The following CAMKV variants were observed in gnomAD, a reference collection of about 807,000 sequenced individuals.
CAMKV encodes the protein CaM kinase like vesicle associated.
In CAMKV, 5 loss-of-function variants were observed where a neutral mutation model predicts 50.2. The observed-to-expected ratio is 0.10, with a 90% CI of 0.05 to 0.21. The LOEUF (loss-of-function observed/expected upper bound fraction) is 0.21. CAMKV is among the 10% of genes least tolerant of loss of function. The probability of loss-of-function intolerance (pLI) is 1.00; values close to 1 mark genes in which losing one functional copy is unlikely to be tolerated. For missense variants in CAMKV, 361 were observed against 650.5 expected (o/e 0.55, Z 4.84); for synonymous variants, 229 against 250.1 (o/e 0.92, Z 0.80).
intron 1 of CAMKV, among the ~76,000 whole-genome samples, chr3:49,868,028 C>T (rs2082078328): frequency 6.6e-6 from 1 of 152,200 alleles, no homozygotes; most frequent in Admixed American, 6.5e-5. Context: ...GTAGGAGGCA[C>T]AGCCAAAAGG....
At position 49,859,226 on chromosome 3, in the gene CAMKV, T is replaced by C. The variant is rs905092411; in HGVS notation, c.*92A>G. On this transcript the variant is annotated 3_prime_UTR_variant, in exon 11 of 11. Transcript: ENST00000477224. The surrounding 1 kb of genome is among the most constrained non-coding windows in gnomAD (Gnocchi z 5.5). ...GTGGGGGCATGGGGGAGCGAGGGCA[T>C]CATGCCAGTGACTCTATGTACAGTG... is the stretch of plus-strand genomic sequence containing the variant. The C allele has an allele frequency of 4.7e-5, 56 of 1,192,416 alleles. No individual in the cohort carries two copies. The highest frequency in any genetic ancestry group is 6.5e-5 in the Non-Finnish European group (56 of 856,812). The allele number at this position is 1,192,416 out of a possible 1,614,324, so 73.9% of individuals were successfully genotyped here.
At position 49,862,018 on chromosome 3, in the gene CAMKV, C is replaced by G; in HGVS notation, c.227+27G>C. The G allele has an allele frequency of 1.2e-6, 2 of 1,613,952 alleles. No individual in the cohort carries two copies. Among genetic ancestry groups the G allele is most frequent in the Non-Finnish European group, 1.7e-6 (2 of 1,179,916 alleles). ...AGCCCTTCCCTGCTGCCTCCCACCC[C>G]GCCCCAATCCCAGGCCTCAAACTCA... On this transcript the variant is annotated intron_variant, in intron 3 of 10. Transcript: ENST00000477224. The surrounding 1 kb of genome is among the most constrained non-coding windows in gnomAD (Gnocchi z 5.2).
chr3:49,860,704 G>A lies in CAMKV; in HGVS notation c.775+12C>T. 1.2e-6 allele frequency: 2 copies of A among 1,613,948 alleles called. No individual in the cohort carries two copies. ...TTGCGTTCTACCAAGTGCTGGGCAG[G>A]CACCTCCTCACCTGCCTGCGAAATA... On this transcript the variant is annotated intron_variant, in intron 8 of 10. Coordinates refer to ENST00000477224, the MANE Select transcript of CAMKV (RefSeq NM_024046.5). The surrounding 1 kb of genome is among the most constrained non-coding windows in gnomAD (Gnocchi z 6.1).
At position 49,860,888 on chromosome 3, in the gene CAMKV, A is replaced by G. The variant is rs144675947; in HGVS notation, c.639-36T>C. On this transcript the variant is annotated intron_variant, in intron 7 of 10. Coordinates refer to ENST00000477224, the MANE Select transcript of CAMKV (RefSeq NM_024046.5). This position sits in a 1 kb window ranked among gnomAD's most constrained non-coding sequence, Gnocchi z 6.1. ...GAAGGGTCACACAGAAAGGCCACAG[A>G]CACATGCCCCCACCCCATCTGACTG... 12 of 1,613,856 alleles carry G rather than the reference A, an allele frequency of 7.4e-6. No homozygotes were observed. In the African/African-American group the frequency reaches 1.6e-4, roughly 22 times the overall value.
At position 49,862,752 on chromosome 3, in the gene CAMKV, C is replaced by T. The variant is rs928363383; in HGVS notation, c.-14-350G>A. 6.6e-6 allele frequency among the ~76,000 whole-genome samples: 1 copy of T among 152,250 alleles called. No individual in the cohort carries two copies. The highest frequency in any genetic ancestry group is 2.4e-5 in the African/African-American group (1 of 41,472). ...GAAGGGGGCTATAACCACCCACCCACCTGCTAGTCATCTCTGAAGGTCTAG... is the reference window on the plus strand; with the variant it reads ...GAAGGGGGCTATAACCACCCACCCATCTGCTAGTCATCTCTGAAGGTCTAG... On this transcript the variant is annotated intron_variant, in intron 1 of 10. Transcript: ENST00000477224. This position sits in a 1 kb window ranked among gnomAD's most constrained non-coding sequence, Gnocchi z 5.2.
chr3:49,869,537 C>T lies in CAMKV; in HGVS notation c.-15+221G>A, dbSNP rs1162432199. ...CAATTCCGAGCCGCAGAAGCTTCCCCCCAGAACCCCCAAGCCGTCCGAGGT... is the reference window on the plus strand; with the variant it reads ...CAATTCCGAGCCGCAGAAGCTTCCCTCCAGAACCCCCAAGCCGTCCGAGGT... On this transcript the variant is annotated intron_variant, in intron 1 of 10. Coordinates refer to ENST00000477224, the MANE Select transcript of CAMKV (RefSeq NM_024046.5). This position sits in a 1 kb window ranked among gnomAD's most constrained non-coding sequence, Gnocchi z 5.2. 6.6e-6 allele frequency among the ~76,000 whole-genome samples: 1 copy of T among 152,134 alleles called. No homozygotes were observed. The highest frequency in any genetic ancestry group is 1.5e-5 in the Non-Finnish European group (1 of 68,008).
Position 49,862,293 on chromosome 3 carries a change from C to T in CAMKV, c.95+1G>A. The T allele has an allele frequency of 6.2e-7, 1 of 1,614,218 alleles. No individual in the cohort carries two copies. The highest frequency in any genetic ancestry group is 8.5e-7 in the Non-Finnish European group (1 of 1,180,018). ...CCTTGCCTGACAGGCCCGGCACTCA[C>T]GTCTTGATGACCTGTCCCAAATCAT... On this transcript the variant is annotated splice_donor_variant, in intron 2 of 10. Transcript: ENST00000477224. LOFTEE classifies it high-confidence loss of function. This position sits in a 1 kb window ranked among gnomAD's most constrained non-coding sequence, Gnocchi z 5.2.
rs1041217394 is a variant in CAMKV at position 49,860,056 on chromosome 3, C to T, written c.942+115G>A. On this transcript the variant is annotated intron_variant, in intron 10 of 10. Coordinates refer to ENST00000477224, the MANE Select transcript of CAMKV (RefSeq NM_024046.5). The surrounding 1 kb of genome is among the most constrained non-coding windows in gnomAD (Gnocchi z 6.1). ...GGTAATCACAGTGGCTACACCCACACCTGATGGCCTGAGAAAAGCTTGTGT... is the reference window on the plus strand; with the variant it reads ...GGTAATCACAGTGGCTACACCCACATCTGATGGCCTGAGAAAAGCTTGTGT... 1 of 1,118,914 alleles carries T rather than the reference C, an allele frequency of 8.9e-7. No individual in the cohort carries two copies. The highest frequency in any genetic ancestry group is 1.4e-5 in the South Asian group (1 of 73,592). The allele number at this position is 1,118,914 out of a possible 1,614,324, so 69.3% of individuals were successfully genotyped here.
rs764046352 is a variant in CAMKV at position 49,860,887 on chromosome 3, G to A, written c.639-35C>T. Reference sequence around the variant, plus strand: ...GGAAGGGTCACACAGAAAGGCCACAGACACATGCCCCCACCCCATCTGACT... The same window carrying A: ...GGAAGGGTCACACAGAAAGGCCACAAACACATGCCCCCACCCCATCTGACT... On this transcript the variant is annotated intron_variant, in intron 7 of 10. Transcript: ENST00000477224. This position sits in a 1 kb window ranked among gnomAD's most constrained non-coding sequence, Gnocchi z 6.1. The A allele has an allele frequency of 2.5e-6, 4 of 1,613,836 alleles. No individual in the cohort carries two copies. The highest frequency in any genetic ancestry group is 1.6e-4 in the Middle Eastern group (1 of 6,084).
Position 49,862,989 on chromosome 3 carries a change from G to A in CAMKV, c.-14-587C>T, listed in dbSNP as rs1002525235. Among the ~76,000 whole-genome samples, 2 of 152,164 alleles carry A rather than the reference G, an allele frequency of 1.3e-5. No individual in the cohort carries two copies. Among genetic ancestry groups the A allele is most frequent in the East Asian group, 1.9e-4 (1 of 5,204 alleles). ...GCTCATAGTAGCCATATACATAATCGCCAAAAATTGAAAACAGACCAAATA... is the reference window on the plus strand; with the variant it reads ...GCTCATAGTAGCCATATACATAATCACCAAAAATTGAAAACAGACCAAATA... On this transcript the variant is annotated intron_variant, in intron 1 of 10. Coordinates refer to ENST00000477224, the MANE Select transcript of CAMKV (RefSeq NM_024046.5). The surrounding 1 kb of genome is among the most constrained non-coding windows in gnomAD (Gnocchi z 5.2).
At chr3:49,867,455 A>G (rs1049801427) in intron 1 of CAMKV, among the ~76,000 whole-genome samples, 1 of 152,222 alleles carries the variant, frequency 6.6e-6, no homozygotes, top group Non-Finnish European at 1.5e-5. Flanking sequence ...GGCAAAGCCA[A>G]AGGCCAGCTG....
chr3:49,862,556 C>A lies in CAMKV; in HGVS notation c.-14-154G>T. 1.5e-6 allele frequency: 1 copy of A among 661,798 alleles called. No homozygotes were observed. Among genetic ancestry groups the A allele is most frequent in the Non-Finnish European group, 2.6e-6 (1 of 378,476 alleles). The allele number at this position is 661,798 out of a possible 1,614,324, so 41.0% of individuals were successfully genotyped here. On this transcript the variant is annotated intron_variant, in intron 1 of 10. Transcript: ENST00000477224. The surrounding 1 kb of genome is among the most constrained non-coding windows in gnomAD (Gnocchi z 5.2). ...GAGGATAGGCAGGCTTAGATCCTAC[C>A]CCTGCTTTTCTGGCTAGACATCCAG...
intron 1 of CAMKV, among the ~76,000 whole-genome samples, chr3:49,866,508 T>C (rs990483060): frequency 1.3e-5 from 2 of 152,174 alleles, no homozygotes; most frequent in Non-Finnish European, 2.9e-5. Flanking sequence ...ACAACAGCCA[T>C]TTCCCTGGAG....
At chr3:49,868,113 C>G (rs1425752012) in intron 1 of CAMKV, among the ~76,000 whole-genome samples, 5 of 152,206 alleles carry the variant, frequency 3.3e-5, no homozygotes. Flanking sequence ...AGTTCCCAGC[C>G]CGTCTCTCTG....
At chr3:49,864,836 G>A (rs1015020477) in intron 1 of CAMKV, among the ~76,000 whole-genome samples, 2 of 152,196 alleles carry the variant, frequency 1.3e-5, no homozygotes, top group African/African-American at 2.4e-5. Flanking sequence ...AAGGGAGGAG[G>A]CAAAGGAGGC....
chr3:49,860,605 G>A lies in CAMKV; in HGVS notation c.776-56C>T. 9 of 1,610,458 alleles carry A rather than the reference G, an allele frequency of 5.6e-6. No homozygotes were observed. The highest frequency in any genetic ancestry group is 1.1e-5 in the South Asian group (1 of 90,932). On this transcript the variant is annotated intron_variant, in intron 8 of 10. Transcript: ENST00000477224. The surrounding 1 kb of genome is among the most constrained non-coding windows in gnomAD (Gnocchi z 6.1). ...TGGGCACCCCATCTCAATGTCTAGA[G>A]GTGATAAATGGGCTGGGGGACAGAA...
rs756495573 is a variant in CAMKV at position 49,861,756 on chromosome 3, G to T, written c.302+35C>A. 1.9e-6 allele frequency: 3 copies of T among 1,609,106 alleles called. No individual in the cohort carries two copies. The South Asian group carries it at 3.3e-5, about 18-fold the overall frequency. On this transcript the variant is annotated intron_variant, in intron 4 of 10. Coordinates refer to ENST00000477224, the MANE Select transcript of CAMKV (RefSeq NM_024046.5). This position sits in a 1 kb window ranked among gnomAD's most constrained non-coding sequence, Gnocchi z 7.7. Reference sequence around the variant, plus strand: ...GGTGGGACAGGTGAAAGCCCTGGGCGCTGGGGAATCTTGGGTCCCCAGACC... The same window carrying T: ...GGTGGGACAGGTGAAAGCCCTGGGCTCTGGGGAATCTTGGGTCCCCAGACC...
chr3:49,860,402 C>T lies in CAMKV; in HGVS notation c.854+69G>A. The T allele has an allele frequency of 1.3e-6, 2 of 1,578,414 alleles. No homozygotes were observed. Among genetic ancestry groups the T allele is most frequent in the Non-Finnish European group, 1.7e-6 (2 of 1,152,888 alleles). ...CTAGGTACCTGCACCCCTTCCAGGC[C>T]TCAAAGATGGGGCTGCTGGGTGTGA... On this transcript the variant is annotated intron_variant, in intron 9 of 10. Transcript: ENST00000477224. This position sits in a 1 kb window ranked among gnomAD's most constrained non-coding sequence, Gnocchi z 6.1.
At chr3:49,867,077 C>A (rs1235315190) in intron 1 of CAMKV, among the ~76,000 whole-genome samples, 1 of 152,230 alleles carries the variant, frequency 6.6e-6, no homozygotes, top group African/African-American at 2.4e-5. Flanking sequence ...TGCAGGCACC[C>A]CCTCCTCTCT....
Sources: gnomAD v4.1 joint callset for allele counts (sites outside exome capture counted in the v4.1 genomes callset) on GRCh38, gnomAD v4.1.1 for gene constraint, Gnocchi (gnomAD v3.1) non-coding constraint, MANE v1.5 for transcripts, NCBI Gene and HGNC (gene_info 2026-07-23, HGNC 2026-07-21) for gene names.